The following C6orf62 variants were observed in gnomAD, a reference collection of about 807,000 sequenced individuals.
C6orf62 encodes chromosome 6 open reading frame 62.
In C6orf62, 16 loss-of-function variants were observed where a neutral mutation model predicts 26.8. The ratio of observed to expected loss-of-function variants is 0.60; its 90% CI spans 0.40 to 0.91. The LOEUF (loss-of-function observed/expected upper bound fraction) is 0.91, where lower values mean the gene tolerates loss of function less well. Ranked by LOEUF, C6orf62 falls within the 40% of genes least tolerant of loss-of-function variation. The pLI, the probability that C6orf62 is intolerant of heterozygous loss-of-function variation, is 0.00. For synonymous variants in C6orf62, 112 were observed against 91.5 expected (o/e 1.22, Z -1.28); for missense variants, 192 against 271.4 (o/e 0.71, Z 2.06).
intron 3 of C6orf62, chr6:24,710,663 T>C: frequency 4.1e-6 from 4 of 972,850 alleles, no homozygotes; most frequent in Non-Finnish European, 4.9e-6. Context: ...CCTTTAAAGA[T>C]TAAGAGGATT....
At chr6:24,717,022 C>A (rs568948776) in intron 1 of C6orf62, among the ~76,000 whole-genome samples, 3 of 152,300 alleles carry the variant, frequency 2.0e-5, no homozygotes, top group East Asian at 3.9e-4. Context: ...TGCACCCAGC[C>A]AAAACCATCA....
intron 3 of C6orf62, among the ~76,000 whole-genome samples, chr6:24,712,497 C>T (rs1171379430): frequency 3.3e-5 from 5 of 151,854 alleles, no homozygotes; most frequent in East Asian, 3.9e-4. Flanking sequence ...GGTGAAAACC[C>T]GTCTCTACTA....
At chr6:24,717,012 T>C (rs779576024) in intron 1 of C6orf62, among the ~76,000 whole-genome samples, 1 of 152,156 alleles carries the variant, frequency 6.6e-6, no homozygotes, top group Non-Finnish European at 1.5e-5. Flanking sequence ...CGTGAGCCAC[T>C]GCACCCAGCC....
chr6:24,715,030 C>T (rs1236699058), intron 2 of C6orf62, among the ~76,000 whole-genome samples: 3 of 152,198 alleles, frequency 2.0e-5, no homozygotes, highest in Non-Finnish European at 4.4e-5. Context: ...TCTCTGATAT[C>T]TGTTGTATTG....
At chr6:24,714,502 C>G in intron 2 of C6orf62, 62 bp from the exon 3 acceptor site, 1 of 1,299,512 alleles carries the variant, frequency 7.7e-7, no homozygotes, top group Non-Finnish European at 1.1e-6. Flanking sequence ...CAAGCCATGT[C>G]ACAAATTATA....
chr6:24,718,808 C>A lies in C6orf62; in HGVS notation c.-140G>T. Reference sequence around the variant, plus strand: ...GATTAGCGAAAATCACGACTATAACCCAAAAACTGCACCTTCTGTCAATAT... The same window carrying A: ...GATTAGCGAAAATCACGACTATAACACAAAAACTGCACCTTCTGTCAATAT... On this transcript the variant is annotated 5_prime_UTR_variant, in exon 1 of 5. Coordinates refer to ENST00000378119, the MANE Select transcript of C6orf62 (RefSeq NM_030939.5). The A allele has an allele frequency of 6.6e-7, 1 of 1,521,190 alleles. No homozygotes were observed. Among genetic ancestry groups the A allele is most frequent in the Non-Finnish European group, 8.7e-7 (1 of 1,143,940 alleles). The allele number at this position is 1,521,190 out of a possible 1,614,324, so 94.2% of individuals were successfully genotyped here. A position where few individuals can be genotyped will look rare whatever the true frequency, so the allele number is the denominator to read the frequency against.
At position 24,719,131 on chromosome 6, in the gene C6orf62, G is replaced by C; in HGVS notation, c.-463C>G. On this transcript the variant is annotated 5_prime_UTR_variant, in exon 1 of 5. Coordinates refer to ENST00000378119, the MANE Select transcript of C6orf62 (RefSeq NM_030939.5). ...TAGAAAAGGGATTAAGGAACAGGGA[G>C]GGGGAAGTGTGATCCTTGCTTTCCA... 1 of 979,674 alleles carries C rather than the reference G, an allele frequency of 1.0e-6. No individual in the cohort carries two copies. The highest frequency in any genetic ancestry group is 4.6e-5 in the South Asian group (1 of 21,578). The allele number at this position is 979,674 out of a possible 1,614,324, so 60.7% of individuals were successfully genotyped here.
At chr6:24,712,356 T>G (rs556313206) in intron 3 of C6orf62, among the ~76,000 whole-genome samples, 1 of 151,434 alleles carries the variant, frequency 6.6e-6, no homozygotes, top group African/African-American at 2.4e-5. Context: ...CACTCCAGCT[T>G]GGGCGACAGA....
intron 3 of C6orf62, among the ~76,000 whole-genome samples, chr6:24,712,209 G>A (rs1380811171): frequency 1.2e-4 from 18 of 151,794 alleles, no homozygotes; most frequent in Non-Finnish European, 1.0e-4. Context: ...GCAAAACTCC[G>A]TCTCTACAAA....
chr6:24,708,745 G>C, intron 4 of C6orf62, 32 bp downstream of exon 4: 1 of 1,613,652 alleles, frequency 6.2e-7, no homozygotes, highest in Non-Finnish European at 8.5e-7. Flanking sequence ...TTTTGAATGA[G>C]CCTGTAAGTG....
At chr6:24,711,821 A>G (rs1779126854) in intron 3 of C6orf62, among the ~76,000 whole-genome samples, 2 of 152,204 alleles carry the variant, frequency 1.3e-5, no homozygotes, top group African/African-American at 2.4e-5. Context: ...TCAGAAAAGC[A>G]AATTAGTTCT....
chr6:24,718,481 A>AATAAT, intron 1 of C6orf62, 59 bp downstream of exon 1: 1 of 1,473,376 alleles, frequency 6.8e-7, no homozygotes, highest in Non-Finnish European at 9.3e-7. Flanking sequence ...AAGAGTAACA[A>AATAAT]ATAATATACA....
chr6:24,714,915 G>A (rs1363355579), intron 2 of C6orf62, among the ~76,000 whole-genome samples: 3 of 152,062 alleles, frequency 2.0e-5, no homozygotes, highest in Non-Finnish European at 2.9e-5. Context: ...ACTGTGCCTG[G>A]CTCTAATTTT....
chr6:24,718,542 TCTC>T lies in C6orf62; in HGVS notation c.124_126del (p.Glu42del). The T allele has an allele frequency of 6.2e-7, 1 of 1,602,736 alleles. No individual in the cohort carries two copies. Among genetic ancestry groups the T allele is most frequent in the East Asian group, 2.2e-5 (1 of 44,818 alleles). Reference sequence around the variant, plus strand: ...CACCATTAAGAACTTTAAATTACCTTCTCCTTGAATACAAAGGCAATATACATC... The same window carrying T: ...CACCATTAAGAACTTTAAATTACCTTCTTGAATACAAAGGCAATATACATC... On this transcript the variant is annotated inframe_deletion, in exon 1 of 5. Transcript: ENST00000378119.
At chr6:24,708,255 T>TAAAA (rs10700028) in intron 4 of C6orf62, among the ~76,000 whole-genome samples, 18 of 146,080 alleles carry the variant, frequency 1.2e-4, no homozygotes, top group South Asian at 6.5e-4. Flanking sequence ...TTTTCCCGTT[T>TAAAA]AAAAAAAAAA....
At chr6:24,720,054 G>A (rs1779324035), upstream of C6orf62, 1 of 1,223,354 alleles carries the variant, frequency 8.2e-7, no homozygotes, top group Non-Finnish European at 1.0e-6. Flanking sequence ...TCCCGGATTA[G>A]CTCTCTCTCA....
Position 24,719,139 on chromosome 6 carries a change from T to G in C6orf62, c.-471A>C, listed in dbSNP as rs1299420168. On this transcript the variant is annotated 5_prime_UTR_variant, in exon 1 of 5. Transcript: ENST00000378119. The stretch of plus-strand genomic sequence containing the variant: ...GGATTAAGGAACAGGGAGGGGGAAG[T>G]GTGATCCTTGCTTTCCAAAAAAAAA... 5 of 960,294 alleles carry G rather than the reference T, an allele frequency of 5.2e-6. No individual in the cohort carries two copies. Among genetic ancestry groups the G allele is most frequent in the Non-Finnish European group, 6.1e-6 (5 of 824,326 alleles). The allele number at this position is 960,294 out of a possible 1,614,324, so 59.5% of individuals were successfully genotyped here. A position where few individuals can be genotyped will look rare whatever the true frequency, so the allele number is the denominator to read the frequency against.
chr6:24,720,011 A>ATG, upstream of C6orf62: 2 of 1,502,124 alleles, frequency 1.3e-6, no homozygotes, highest in Non-Finnish European at 1.8e-6. Flanking sequence ...CTTCTAAAGT[A>ATG]AGCCCACCCA....
At chr6:24,706,484 C>T (rs183350060) in intron 4 of C6orf62, among the ~76,000 whole-genome samples, 1 of 152,232 alleles carries the variant, frequency 6.6e-6, no homozygotes, top group Admixed American at 6.5e-5. Flanking sequence ...AAACCAGAGA[C>T]TACTTGCTAG....
Sources: gnomAD v4.1 joint callset for allele counts (sites outside exome capture counted in the v4.1 genomes callset) on GRCh38, gnomAD v4.1.1 for gene constraint, MANE v1.5 for transcripts, NCBI Gene and HGNC (gene_info 2026-07-23, HGNC 2026-07-21) for gene names.